Variants in POT1 observed in about 807,000 individuals in gnomAD.
POT1 encodes the protein protection of telomeres 1, also known as protection of telomeres protein 1.
A neutral mutation model predicts 78.5 loss-of-function variants in POT1; 47 were observed. That is an observed-to-expected ratio of 0.60 (90% CI 0.47 to 0.76). The LOEUF (loss-of-function observed/expected upper bound fraction) is 0.76. POT1 is among the 30% of genes least tolerant of loss of function. POT1 has a pLI of 0.00. For missense variants in POT1, 646 were observed against 749.9 expected (o/e 0.86, Z 1.62); for synonymous variants, 259 against 260.7 (o/e 0.99, Z 0.06).
rs184485614 is a variant in POT1, at chr7:124,908,383, T to C, written c.-154+7191A>G. Among the ~76,000 whole-genome samples the C allele has an allele frequency of 1.1e-4, 17 of 152,036 alleles. No individual in the cohort carries two copies. The East Asian group carries it at 3.3e-3, about 29-fold the overall frequency. ...TAATATTAGCATTAAAAACCAAAAT[T>C]CTTAAATTGCCTACAAATCACTGTA... is the stretch of plus-strand genomic sequence containing the variant. On this transcript the variant is annotated intron_variant, in intron 3 of 18. Transcript: ENST00000357628.
chr7:124,831,333 C>T (rs1228315042), intron 15 of POT1, among the ~76,000 whole-genome samples: 1 of 152,102 alleles, frequency 6.6e-6, no homozygotes, highest in South Asian at 2.1e-4. Flanking sequence ...TTCAGGTAAA[C>T]ACCTTAGGAG....
At chr7:124,868,484 A>G (rs778118417) in intron 7 of POT1, among the ~76,000 whole-genome samples, 1 of 152,104 alleles carries the variant, frequency 6.6e-6, no homozygotes, top group Admixed American at 6.6e-5. Context: ...CCTTTAAAAC[A>G]GTTTTCAATA....
At chr7:124,825,578 T>C (rs970005878) in intron 17 of POT1, among the ~76,000 whole-genome samples, 3 of 152,100 alleles carry the variant, frequency 2.0e-5, no homozygotes, top group Admixed American at 6.5e-5. Context: ...ATCAAGTAAA[T>C]TGCTCTGATT....
In POT1 at chr7:124,829,283, G is replaced by A. The variant is rs754745002; in HGVS notation, c.1565C>T (p.Thr522Ile). Residue 522 changes from threonine (T) to isoleucine (I), a missense_variant, in exon 16 of 19, where the codon ACA becomes ATA. Thr to Ile is a moderately conservative substitution (Grantham distance 89, BLOSUM62 -1). This residue lies in a region of POT1 where 394 missense variants were observed against 408.4 expected (regional missense o/e 0.96). Coordinates refer to ENST00000357628, the MANE Select transcript of POT1 (RefSeq NM_015450.3). ...TGCCACAGAAGAAGGAATCCACGAT[G>A]TTTTATCAACCAGGGAATTTAGATT... ...IQNLNSLVDKTSWIPSSVAEA... is the reference protein window; with the variant it reads ...IQNLNSLVDKISWIPSSVAEA... 24 of 1,605,602 alleles carry A rather than the reference G, an allele frequency of 1.5e-5. No homozygotes were observed. Among genetic ancestry groups the A allele is most frequent in the Non-Finnish European group, 2.0e-5 (23 of 1,172,596 alleles).
intron 12 of POT1, among the ~76,000 whole-genome samples, chr7:124,843,558 C>G (rs565873610): frequency 1.3e-5 from 2 of 151,936 alleles, no homozygotes; most frequent in South Asian, 4.2e-4. Flanking sequence ...TTGAGTCAAA[C>G]TGGAAAAAAA....
intron 18 of POT1, 131 bp from the exon 19 acceptor site, chr7:124,824,205 C>T (rs1794576851): frequency 1.7e-6 from 1 of 574,218 alleles, no homozygotes; most frequent in South Asian, 2.3e-5. Flanking sequence ...AAGTAAACGT[C>T]CCTTCCAAAT....
Position 124,858,962 on chromosome 7 carries a change from G to C in POT1, c.697C>G (p.Leu233Val), listed in dbSNP as rs1554425714. 1 of 1,601,498 alleles carries C rather than the reference G, an allele frequency of 6.2e-7. No homozygotes were observed. Among genetic ancestry groups the C allele is most frequent in the Non-Finnish European group, 8.5e-7 (1 of 1,172,598 alleles). Residue 233 changes from leucine (L) to valine (V), a missense_variant, in exon 9 of 19, where the codon CTG becomes GTG. Around this residue, in one of 2 missense-constraint regions of POT1, gnomAD observed 252 missense variants for 341.4 expected, o/e 0.74. Transcript: ENST00000357628. ...YDNHVHVARS[L>V]KVGSFLRIYS... ...TTTTTCCTACTATACATCACCTTCA[G>C]AGATCTTGCCACATGAACATGGTTA...
chr7:124,839,174 G>A (rs1049141588), intron 14 of POT1, among the ~76,000 whole-genome samples: 2 of 152,094 alleles, frequency 1.3e-5, no homozygotes, highest in African/African-American at 2.4e-5. Flanking sequence ...AAGAAGCAAA[G>A]GCAATTCAAT....
Position 124,846,185 on chromosome 7 carries a change from C to CACACACACT in POT1, c.1006+756_1006+757insAGTGTGTGT, listed in dbSNP as rs1795162290. ...CTGACACACACACACACACACACAC[C>CACACACACT]CCTATAATATAAACAAATGTGTACA... is the stretch of plus-strand genomic sequence containing the variant. On this transcript the variant is annotated intron_variant, in intron 12 of 18. Transcript: ENST00000357628. Among the ~76,000 whole-genome samples, 8 of 48,470 alleles carry CACACACACT rather than the reference C, an allele frequency of 1.7e-4. No individual in the cohort carries two copies. The South Asian group carries it at 3.9e-3, about 24-fold the overall frequency. 31.8% of individuals were successfully genotyped at this position (48,470 alleles called of 152,430 possible).
At chr7:124,903,748 A>C (rs1332087202) in intron 3 of POT1, among the ~76,000 whole-genome samples, 1 of 152,184 alleles carries the variant, frequency 6.6e-6, no homozygotes, top group Non-Finnish European at 1.5e-5. Flanking sequence ...TAGTTTTTTG[A>C]AAAGATCAAC....
At position 124,874,141 on chromosome 7, in the gene POT1, G is replaced by T. The variant is rs117036860; in HGVS notation, c.125-3100C>A. 2.3e-3 allele frequency among the ~76,000 whole-genome samples: 349 copies of T among 152,314 alleles called. 2 individuals are homozygous for T. The highest frequency in any genetic ancestry group is 4.4e-3 in the Admixed American group (67 of 15,304). ...ACAAAGGCTCTTTTCCAAGGGGGCTGCACTCATTAACTGGGAAGTGGTAAG... is the reference window on the plus strand; with the variant it reads ...ACAAAGGCTCTTTTCCAAGGGGGCTTCACTCATTAACTGGGAAGTGGTAAG... On this transcript the variant is annotated intron_variant, in intron 6 of 18. Transcript: ENST00000357628.
intron 2 of POT1, among the ~76,000 whole-genome samples, chr7:124,928,154 C>T (rs1367840178): frequency 6.6e-6 from 1 of 152,152 alleles, no homozygotes; most frequent in Non-Finnish European, 1.5e-5. Flanking sequence ...TCCTTCCCAT[C>T]ATCCCCTCTG....
At chr7:124,825,200 A>AG in intron 18 of POT1, 52 bp downstream of exon 18, 5 of 1,180,360 alleles carry the variant, frequency 4.2e-6, no homozygotes, top group Non-Finnish European at 6.3e-6. Context: ...CATATATGTT[A>AG]GTGCTATCTC....
intron 3 of POT1, among the ~76,000 whole-genome samples, chr7:124,902,435 A>G (rs1253784615): frequency 6.6e-6 from 1 of 152,224 alleles, no homozygotes; most frequent in Non-Finnish European, 1.5e-5. Context: ...AAGCTTCTTA[A>G]GTGAAGGAGA....
intron 2 of POT1, among the ~76,000 whole-genome samples, chr7:124,917,078 G>A (rs1025400492): frequency 2.0e-5 from 3 of 152,072 alleles, no homozygotes; most frequent in African/African-American, 4.8e-5. Flanking sequence ...GCAGGAACGG[G>A]TACATAGGTG....
In POT1 at chr7:124,822,441, A is replaced by G; in HGVS notation, c.*1521T>C. The G allele has an allele frequency of 5.3e-6, 2 of 379,958 alleles. No homozygotes were observed. Among genetic ancestry groups the G allele is most frequent in the Admixed American group, 5.3e-5 (2 of 37,438 alleles). The allele number at this position is 379,958 out of a possible 1,614,324, so 23.5% of individuals were successfully genotyped here. ...AAAATAAGAAGAGACATGGCCTATC[A>G]TCATGAAGATTCATAGGAAGAGTTT... On this transcript the variant is annotated 3_prime_UTR_variant, in exon 19 of 19. Transcript: ENST00000357628.
Position 124,822,994 on chromosome 7 carries a change from C to T in POT1, c.*968G>A. 1 of 158,332 alleles carries T rather than the reference C, an allele frequency of 6.3e-6. No homozygotes were observed. Among genetic ancestry groups the T allele is most frequent in the South Asian group, 1.8e-4 (1 of 5,468 alleles). 9.8% of individuals were successfully genotyped at this position (158,332 alleles called of 1,614,324 possible). A position where few individuals can be genotyped will look rare whatever the true frequency, so the allele number is the denominator to read the frequency against. On this transcript the variant is annotated 3_prime_UTR_variant, in exon 19 of 19. Coordinates refer to ENST00000357628, the MANE Select transcript of POT1 (RefSeq NM_015450.3). Reference sequence around the variant, plus strand: ...ATCCTTGAGTGGTTAACAGTACAGGCTCTGAATAGAGATTATGTGAATTAA... The same window carrying T: ...ATCCTTGAGTGGTTAACAGTACAGGTTCTGAATAGAGATTATGTGAATTAA...
At chr7:124,911,351 C>CT (rs1164552374) in intron 3 of POT1, among the ~76,000 whole-genome samples, 1 of 152,040 alleles carries the variant, frequency 6.6e-6, no homozygotes, top group Non-Finnish European at 1.5e-5. Flanking sequence ...TGCACTCACG[C>CT]TTTTTTCTGT....
At chr7:124,900,839 CA>C in intron 3 of POT1, 1 of 394,070 alleles carries the variant, frequency 2.5e-6, no homozygotes, top group Non-Finnish European at 5.3e-6. Context: ...AACTGCACAC[CA>C]GGAGATTATA....
Sources: gnomAD v4.1 joint callset for allele counts (sites outside exome capture counted in the v4.1 genomes callset) on GRCh38, gnomAD v4.1.1 for gene constraint, gnomAD v4.1.1 regional missense constraint, MANE v1.5 for transcripts, NCBI Gene and HGNC (gene_info 2026-07-23, HGNC 2026-07-21) for gene names.